Variants in CAMTA1 observed in about 807,000 individuals in gnomAD.
CAMTA1 encodes calmodulin binding transcription activator 1.
Under a neutral mutation model 170.9 loss-of-function variants are expected in CAMTA1, and 27 were observed. That is an observed-to-expected ratio of 0.16 (90% CI 0.12 to 0.22). The LOEUF (loss-of-function observed/expected upper bound fraction) is 0.22. Among genes scored for constraint, CAMTA1 ranks in the 10% least tolerant of loss-of-function variants. The pLI is 1.00. For synonymous variants in CAMTA1, 833 were observed against 891.5 expected (o/e 0.93, Z 1.17); for missense variants, 1,619 against 2,217.2 (o/e 0.73, Z 5.42).
intron 5 of CAMTA1, among the ~76,000 whole-genome samples, chr1:7,385,259 T>G (rs529332183): frequency 6.6e-6 from 1 of 151,964 alleles, no homozygotes; most frequent in Admixed American, 6.5e-5. Flanking sequence ...CCGGCTAAGT[T>G]TTTGTATTTT....
chr1:7,601,398 A>G (rs2095441401), intron 6 of CAMTA1, among the ~76,000 whole-genome samples: 2 of 147,352 alleles, frequency 1.4e-5, no homozygotes, highest in African/African-American at 2.6e-5. Flanking sequence ...CCTGGCAGAG[A>G]CGCTCCTCAC....
intron 5 of CAMTA1, among the ~76,000 whole-genome samples, chr1:7,419,012 T>G (rs1557682765): frequency 6.6e-6 from 1 of 152,174 alleles, no homozygotes; most frequent in East Asian, 1.9e-4. Context: ...TCACTCAAAT[T>G]AAAAGCCCAG....
At chr1:7,595,157 G>C (rs936630550) in intron 6 of CAMTA1, among the ~76,000 whole-genome samples, 2 of 152,120 alleles carry the variant, frequency 1.3e-5, no homozygotes, top group African/African-American at 4.8e-5. Flanking sequence ...CTAAACAAAG[G>C]GGTGCGGTGC....
chr1:7,415,409 T>C (rs1173845547), intron 5 of CAMTA1, among the ~76,000 whole-genome samples: 1 of 151,868 alleles, frequency 6.6e-6, no homozygotes, highest in African/African-American at 2.4e-5. Context: ...TCTTTGTAGG[T>C]CACTCAGGAC....
chr1:7,595,542 C>T (rs186607984), intron 6 of CAMTA1, among the ~76,000 whole-genome samples: 87 of 152,298 alleles, frequency 5.7e-4, no homozygotes, highest in African/African-American at 1.9e-3. Flanking sequence ...TTCAGCACCA[C>T]GGAGCCCGGA....
At chr1:7,220,479 C>G (rs1276158098) in intron 4 of CAMTA1, among the ~76,000 whole-genome samples, 1 of 152,152 alleles carries the variant, frequency 6.6e-6, no homozygotes, top group Non-Finnish European at 1.5e-5. Flanking sequence ...GGTGGATACC[C>G]CATTCCCGGG....
Position 7,752,116 on chromosome 1 carries a change from A to G in CAMTA1, c.4884-343A>G, listed in dbSNP as rs949910976. Among the ~76,000 whole-genome samples the G allele has an allele frequency of 3.3e-5, 5 of 152,240 alleles. No individual in the cohort carries two copies. In the South Asian group the frequency reaches 8.3e-4, roughly 25 times the overall value. ...CTCCGGTGAATCACCTTGTAAACTA[A>G]GAAAGCCTCTCTAATGCCAGAATGC... On this transcript the variant is annotated intron_variant, in intron 20 of 22. Transcript: ENST00000303635.
intron 5 of CAMTA1, among the ~76,000 whole-genome samples, chr1:7,324,668 C>T (rs1459035659): frequency 2.0e-5 from 3 of 151,944 alleles, no homozygotes; most frequent in African/African-American, 7.3e-5. Flanking sequence ...ATTAGCCAGG[C>T]GTGGTGGCAG....
At chr1:7,086,243 G>A (rs551071218) in intron 3 of CAMTA1, among the ~76,000 whole-genome samples, 90 of 152,098 alleles carry the variant, frequency 5.9e-4, no homozygotes, top group African/African-American at 2.1e-3. Flanking sequence ...TCTCAGCATC[G>A]ATGTGGTATT....
At chr1:7,172,163 T>G (rs1048309490) in intron 4 of CAMTA1, among the ~76,000 whole-genome samples, 1 of 151,984 alleles carries the variant, frequency 6.6e-6, no homozygotes, top group Non-Finnish European at 1.5e-5. Context: ...CTTCTCTTTT[T>G]TTTTTTGAGA....
chr1:6,992,666 C>G (rs754722532), intron 3 of CAMTA1, among the ~76,000 whole-genome samples: 1 of 152,246 alleles, frequency 6.6e-6, no homozygotes, highest in East Asian at 1.9e-4. Context: ...AAAGCAGGCA[C>G]GTCTTACATG....
At chr1:7,743,453 T>C (rs1247029309) in intron 16 of CAMTA1, among the ~76,000 whole-genome samples, 1 of 152,090 alleles carries the variant, frequency 6.6e-6, no homozygotes, top group African/African-American at 2.4e-5. Context: ...TCCATCTCAC[T>C]GCACGGTGCC....
intron 1 of CAMTA1, among the ~76,000 whole-genome samples, chr1:6,812,899 T>C (rs1270216539): frequency 6.6e-6 from 1 of 152,222 alleles, no homozygotes; most frequent in Non-Finnish European, 1.5e-5. Flanking sequence ...GCTTTTGAAC[T>C]CAATTCTAGG....
chr1:7,647,459 G>A (rs1182080843), intron 7 of CAMTA1, among the ~76,000 whole-genome samples: 1 of 152,182 alleles, frequency 6.6e-6, no homozygotes, highest in Non-Finnish European at 1.5e-5. Context: ...GGGAGCCCCA[G>A]GGAAGCCTGA....
intron 21 of CAMTA1, among the ~76,000 whole-genome samples, chr1:7,755,268 A>G (rs966277758): frequency 4.9e-5 from 7 of 142,962 alleles, no homozygotes; most frequent in African/African-American, 1.8e-4. Context: ...CGGAGGCTGC[A>G]GTGAGCCAAG....
intron 4 of CAMTA1, among the ~76,000 whole-genome samples, chr1:7,239,722 CT>C (rs1664528318): frequency 7.0e-6 from 1 of 141,916 alleles, no homozygotes; most frequent in Admixed American, 7.4e-5. Context: ...TAATGGAATA[CT>C]ACAGACTGGG....
chr1:6,902,072 C>CACACACAAA (rs3986505), intron 3 of CAMTA1, among the ~76,000 whole-genome samples: 52 of 88,480 alleles, frequency 5.9e-4, no homozygotes, highest in South Asian at 2.1e-3. Flanking sequence ...CACACACACA[C>CACACACAAA]AAAAAAAAAA....
intron 3 of CAMTA1, among the ~76,000 whole-genome samples, chr1:7,012,032 G>C (rs1699877438): frequency 6.6e-6 from 1 of 152,132 alleles, no homozygotes; most frequent in Non-Finnish European, 1.5e-5. Flanking sequence ...AGTTCATCAT[G>C]CTCACTGGGG....
At chr1:7,454,850 C>T (rs2092913309) in intron 5 of CAMTA1, among the ~76,000 whole-genome samples, 1 of 152,126 alleles carries the variant, frequency 6.6e-6, no homozygotes, top group Non-Finnish European at 1.5e-5. Context: ...TTCTCCTCTG[C>T]CCGAGATCCC....
Sources: gnomAD v4.1 joint callset for allele counts (sites outside exome capture counted in the v4.1 genomes callset) on GRCh38, gnomAD v4.1.1 for gene constraint, MANE v1.5 for transcripts, NCBI Gene and HGNC (gene_info 2026-07-23, HGNC 2026-07-21) for gene names.